Variants in IL12RB1 observed in about 807,000 individuals in gnomAD.
The protein encoded by IL12RB1 is interleukin 12 receptor subunit beta 1, also known as interleukin-12 receptor subunit beta-1.
In IL12RB1, 64 loss-of-function variants were observed where a neutral mutation model predicts 94.4. The ratio of observed to expected loss-of-function variants is 0.68; its 90% CI spans 0.55 to 0.83. IL12RB1 has a LOEUF of 0.83. Ranked by LOEUF, IL12RB1 falls within the 40% of genes least tolerant of loss-of-function variation. IL12RB1 has a pLI of 0.00. For missense variants in IL12RB1, 814 were observed against 855.6 expected (o/e 0.95, Z 0.61); for synonymous variants, 362 against 355.5 (o/e 1.02, Z -0.21).
intron 1 of IL12RB1, among the ~76,000 whole-genome samples, chr19:18,098,470 T>C (rs2146708181): frequency 6.6e-6 from 1 of 151,984 alleles, no homozygotes; most frequent in African/African-American, 2.4e-5. Context: ...GCCTCAGTTT[T>C]CCAATGAGCC....
At chr19:18,070,502 C>CA in intron 9 of IL12RB1, 1 of 984,510 alleles carries the variant, frequency 1.0e-6, no homozygotes, top group Non-Finnish European at 1.2e-6. Context: ...AAATCTCTCC[C>CA]ACTCCCTCCC....
At chr19:18,096,853 T>C (rs1001890332) in intron 1 of IL12RB1, among the ~76,000 whole-genome samples, 3 of 150,742 alleles carry the variant, frequency 2.0e-5, no homozygotes, top group Non-Finnish European at 4.4e-5. Context: ...AAAAAAAGTT[T>C]TGGTGTTTTG....
chr19:18,063,810 A>C (rs1033837235), intron 13 of IL12RB1, 66 bp downstream of exon 13: 10 of 1,469,902 alleles, frequency 6.8e-6, no homozygotes, highest in Admixed American at 1.8e-5. Context: ...GGCTGCTAAG[A>C]TCATTGTGGG....
chr19:18,091,029 G>A (rs375061122), upstream of IL12RB1, among the ~76,000 whole-genome samples: 40 of 152,300 alleles, frequency 2.6e-4, no homozygotes, highest in African/African-American at 8.9e-4. Flanking sequence ...CTGGGTTTCT[G>A]TGGGGTGATG....
At chr19:18,090,873 C>T (rs1460652622), upstream of IL12RB1, 5 of 152,788 alleles carry the variant, frequency 3.3e-5, no homozygotes, top group Admixed American at 3.3e-4. Context: ...GGCCGGGTGC[C>T]CTGAAGTGGA....
At chr19:18,069,923 T>C (rs148184791) in intron 9 of IL12RB1, among the ~76,000 whole-genome samples, 1 of 151,774 alleles carries the variant, frequency 6.6e-6, no homozygotes, top group African/African-American at 2.4e-5. Flanking sequence ...TTTTTTTTTG[T>C]TTTTTCTTTG....
chr19:18,059,506 A>C lies in IL12RB1; in HGVS notation c.*102T>G, dbSNP rs2033965877. The C allele has an allele frequency of 1.4e-6, 1 of 740,586 alleles. No homozygotes were observed. 45.9% of individuals were successfully genotyped at this position (740,586 alleles called of 1,614,324 possible). A position where few individuals can be genotyped will look rare whatever the true frequency, so the allele number is the denominator to read the frequency against. Reference sequence around the variant, plus strand: ...CACGGGGCAGAGAGGAGGCAGGTGCACTGGAGCCTGGAGGAGCTCTGGGTT... The same window carrying C: ...CACGGGGCAGAGAGGAGGCAGGTGCCCTGGAGCCTGGAGGAGCTCTGGGTT... On this transcript the variant is annotated 3_prime_UTR_variant, in exon 17 of 17. Coordinates refer to ENST00000593993, the MANE Select transcript of IL12RB1 (RefSeq NM_005535.3).
At chr19:18,062,922 G>A (rs953077414) in intron 13 of IL12RB1, among the ~76,000 whole-genome samples, 3 of 151,564 alleles carry the variant, frequency 2.0e-5, no homozygotes, top group Non-Finnish European at 4.4e-5. Flanking sequence ...AAAGGACACC[G>A]TGGCATGAAC....
At chr19:18,064,958 C>T (rs1200653674) in intron 12 of IL12RB1, among the ~76,000 whole-genome samples, 1 of 152,150 alleles carries the variant, frequency 6.6e-6, no homozygotes, top group Non-Finnish European at 1.5e-5. Flanking sequence ...AAATTACCGC[C>T]CCTGTCCACG....
chr19:18,059,815 A>G, intron 16 of IL12RB1, 79 bp downstream of exon 16: 1 of 829,094 alleles, frequency 1.2e-6, no homozygotes, highest in Admixed American at 2.0e-5. Context: ...CTGATATCCC[A>G]GGAGCGATGG....
upstream of IL12RB1, among the ~76,000 whole-genome samples, chr19:18,088,139 G>A (rs2036456550): frequency 6.6e-6 from 1 of 151,986 alleles, no homozygotes; most frequent in South Asian, 2.1e-4. Flanking sequence ...TGTAATCCCA[G>A]TACTTTGGGA....
At chr19:18,093,529 G>A (rs998941869) in intron 1 of IL12RB1, among the ~76,000 whole-genome samples, 17 of 151,976 alleles carry the variant, frequency 1.1e-4, no homozygotes, top group Admixed American at 3.9e-4. Context: ...GACCTCTCTG[G>A]TGGCTCTCTC....
intron 2 of IL12RB1, 147 bp downstream of exon 2, chr19:18,083,285 C>T: frequency 1.3e-6 from 1 of 795,200 alleles, no homozygotes; most frequent in Non-Finnish European, 2.3e-6. Context: ...AAGAATGGGC[C>T]AGCAGGTGGT....
rs144458863 is a variant in IL12RB1 at position 18,076,361 on chromosome 19, A to G, written c.550-34T>C. ...AAAACATATTCATATATTGTTTTGC[A>G]TTTTGGTGCTGAAAAATATTTGCTG... On this transcript the variant is annotated intron_variant, in intron 5 of 16. Coordinates refer to ENST00000593993, the MANE Select transcript of IL12RB1 (RefSeq NM_005535.3). The G allele has an allele frequency of 1.7e-5, 20 of 1,148,668 alleles. No homozygotes were observed. In the African/African-American group the frequency reaches 2.7e-4, roughly 16 times the overall value. 71.2% of individuals were successfully genotyped at this position (1,148,668 alleles called of 1,614,324 possible).
chr19:18,062,250 A>T lies in IL12RB1; in HGVS notation c.1646T>A (p.Phe549Tyr). Residue 549 changes from phenylalanine to tyrosine, a missense_variant, in exon 14 of 17, where the codon TTC becomes TAC. Physicochemically the swap from Phe to Tyr is conservative, Grantham distance 22. Transcript: ENST00000593993. ...CAGGAAGCTCCCCAGGGAGGCGAAG[A>T]AGATGAGCCAATCAGAAACCTGCAC... is the stretch of plus-strand genomic sequence containing the variant. ...IEVQVSDWLI[F>Y]FASLGSFLSI... is the part of the protein sequence containing the mutation. 6.2e-7 allele frequency: 1 copy of T among 1,612,804 alleles called. No individual in the cohort carries two copies. Among genetic ancestry groups the T allele is most frequent in the African/African-American group, 1.3e-5 (1 of 74,986 alleles).
intron 10 of IL12RB1, among the ~76,000 whole-genome samples, chr19:18,069,261 G>A (rs967039474): frequency 6.6e-5 from 10 of 152,286 alleles, no homozygotes; most frequent in African/African-American, 1.4e-4. Context: ...CTTCCCTGGC[G>A]CGGTTGAATA....
chr19:18,082,399 C>G, intron 2 of IL12RB1, 135 bp from the exon 3 acceptor site: 1 of 687,528 alleles, frequency 1.5e-6, no homozygotes, highest in Non-Finnish European at 2.7e-6. Context: ...CCTACCTCAT[C>G]CCCTGCCGTC....
At chr19:18,083,168 T>C in intron 2 of IL12RB1, 1 of 584,772 alleles carries the variant, frequency 1.7e-6, no homozygotes, top group Admixed American at 2.9e-5. Flanking sequence ...CTTTCTCCCA[T>C]GTACCGACCA....
chr19:18,087,387 T>G (rs1219714590), upstream of IL12RB1, among the ~76,000 whole-genome samples: 3 of 151,930 alleles, frequency 2.0e-5, no homozygotes, highest in Non-Finnish European at 4.4e-5. Flanking sequence ...TTTTTGTATT[T>G]TTAGTAGAGA....
Sources: allele counts gnomAD v4.1 joint callset (sites outside exome capture counted in the v4.1 genomes callset), GRCh38; gene constraint gnomAD v4.1.1; transcripts MANE v1.5; gene names NCBI Gene and HGNC (gene_info 2026-07-23, HGNC 2026-07-21).